Variants in CCSER1 observed in about 807,000 individuals in gnomAD.
The protein encoded by CCSER1 is serine-rich coiled-coil domain-containing protein 1.
A neutral mutation model predicts 82.0 loss-of-function variants in CCSER1; 41 were observed. That is an observed-to-expected ratio of 0.50 (90% CI 0.39 to 0.65). CCSER1 has a LOEUF of 0.65. Ranked by LOEUF, CCSER1 falls within the 30% of genes least tolerant of loss-of-function variation. The probability of loss-of-function intolerance (pLI) is 0.00; values close to 1 mark genes in which losing one functional copy is unlikely to be tolerated. For synonymous variants in CCSER1, 414 were observed against 383.9 expected (o/e 1.08, Z -0.92); for missense variants, 1,119 against 1,064.2 (o/e 1.05, Z -0.72).
intron 1 of CCSER1, among the ~76,000 whole-genome samples, chr4:90,304,158 G>A (rs1217712534): frequency 3.5e-4 from 54 of 152,294 alleles, no homozygotes; most frequent in African/African-American, 9.6e-4. Context: ...ACAGATGCTG[G>A]AGAGGATGTG....
intron 5 of CCSER1, among the ~76,000 whole-genome samples, chr4:90,509,069 T>C (rs552882251): frequency 1.2e-4 from 18 of 152,168 alleles, no homozygotes; most frequent in Admixed American, 2.6e-4. Context: ...AAAGATTCAG[T>C]CTCAGGTGGA....
At chr4:91,151,151 G>T (rs564120735) in intron 10 of CCSER1, among the ~76,000 whole-genome samples, 2 of 152,230 alleles carry the variant, frequency 1.3e-5, no homozygotes, top group South Asian at 2.1e-4. Context: ...TTCAGAGTCT[G>T]TTAGTGATCT....
chr4:91,206,281 A>C (rs1279149729), intron 10 of CCSER1, among the ~76,000 whole-genome samples: 2 of 151,944 alleles, frequency 1.3e-5, no homozygotes, highest in Admixed American at 1.3e-4. Context: ...CATCCACCCA[A>C]GGGATTCAGT....
intron 10 of CCSER1, among the ~76,000 whole-genome samples, chr4:91,491,527 G>C (rs1373141334): frequency 6.6e-6 from 1 of 152,020 alleles, no homozygotes; most frequent in African/African-American, 2.4e-5. Context: ...TTAAATTGCA[G>C]GAATATATGC....
intron 10 of CCSER1, among the ~76,000 whole-genome samples, chr4:91,478,332 T>C (rs968748445): frequency 2.0e-5 from 3 of 151,958 alleles, no homozygotes; most frequent in African/African-American, 7.2e-5. Flanking sequence ...AGAGTCTGTT[T>C]TTATTAATCT....
At chr4:90,261,931 A>G (rs975809594) in intron 1 of CCSER1, among the ~76,000 whole-genome samples, 4 of 151,938 alleles carry the variant, frequency 2.6e-5, no homozygotes, top group Admixed American at 6.6e-5. Flanking sequence ...TGTGTCTTTC[A>G]TTTCTAGAAG....
intron 7 of CCSER1, among the ~76,000 whole-genome samples, chr4:90,750,758 A>G (rs1484955071): frequency 1.3e-5 from 2 of 152,162 alleles, no homozygotes; most frequent in Admixed American, 6.6e-5. Context: ...TATACATTCA[A>G]TTTTATATGA....
intron 10 of CCSER1, among the ~76,000 whole-genome samples, chr4:91,103,347 G>C (rs559360360): frequency 3.9e-5 from 6 of 152,074 alleles, no homozygotes; most frequent in Non-Finnish European, 5.9e-5. Flanking sequence ...GGGCCCCTCA[G>C]TTCCTTCCCA....
chr4:91,351,534 AC>A (rs1431360503), intron 10 of CCSER1, among the ~76,000 whole-genome samples: 1 of 152,082 alleles, frequency 6.6e-6, no homozygotes. Flanking sequence ...AAAAATACTT[AC>A]TTATAAAATA....
At chr4:91,098,768 C>T (rs1435965776) in intron 10 of CCSER1, among the ~76,000 whole-genome samples, 3 of 152,130 alleles carry the variant, frequency 2.0e-5, no homozygotes, top group Non-Finnish European at 4.4e-5. Flanking sequence ...GTCTGGATCT[C>T]CTGATGTCGT....
intron 8 of CCSER1, among the ~76,000 whole-genome samples, chr4:90,888,398 G>A (rs1355193864): frequency 6.6e-6 from 1 of 152,112 alleles, no homozygotes; most frequent in Admixed American, 6.5e-5. Context: ...AAGGGCAAGA[G>A]TAGAAAGAGT....
In CCSER1 at chr4:91,555,305, T is replaced by C. The variant is rs543872413; in HGVS notation, c.2218-43267T>C. ...ATTCATTTCTGTTTATTACTGCAGT[T>C]CAAAAATATTAATATCACTGATCAG... On this transcript the variant is annotated intron_variant, in intron 10 of 10. Transcript: ENST00000509176. Among the ~76,000 whole-genome samples, 32 of 151,224 alleles carry C rather than the reference T, an allele frequency of 2.1e-4. 1 individual carries two copies. In the South Asian group the frequency reaches 4.4e-3, roughly 21 times the overall value.
intron 4 of CCSER1, among the ~76,000 whole-genome samples, chr4:90,429,810 A>G (rs866759150): frequency 1.3e-5 from 2 of 151,974 alleles, no homozygotes; most frequent in Middle Eastern, 3.4e-3. Flanking sequence ...TAGTCTGGTA[A>G]ATGTATAATT....
chr4:91,466,902 T>A (rs1756945763), intron 10 of CCSER1, among the ~76,000 whole-genome samples: 4 of 152,120 alleles, frequency 2.6e-5, no homozygotes. Context: ...AGAGGAGGAA[T>A]CAATATCATG....
intron 1 of CCSER1, among the ~76,000 whole-genome samples, chr4:90,270,349 G>C (rs929682320): frequency 5.9e-5 from 9 of 152,030 alleles, no homozygotes; most frequent in African/African-American, 1.9e-4. Flanking sequence ...GGGATGCAAG[G>C]ATGATTCAAC....
intron 6 of CCSER1, among the ~76,000 whole-genome samples, chr4:90,638,216 A>G (rs971111665): frequency 1.3e-5 from 2 of 152,174 alleles, no homozygotes; most frequent in South Asian, 4.1e-4. Flanking sequence ...ACAGCTCTAC[A>G]TTGATTAAAT....
At position 90,798,323 on chromosome 4, in the gene CCSER1, T is replaced by C. The variant is rs1294566943; in HGVS notation, c.2011-17439T>C. On this transcript the variant is annotated intron_variant, in intron 7 of 10. Coordinates refer to ENST00000509176, the MANE Select transcript of CCSER1 (RefSeq NM_001145065.2). The stretch of plus-strand genomic sequence containing the variant: ...TCCTGTAGTGTGTTTTTCAGGTCTA[T>C]CATGTTGGTTACATTATTTTCTATA... 2.2e-4 allele frequency among the ~76,000 whole-genome samples: 34 copies of C among 152,124 alleles called. 1 individual carries two copies. The highest frequency in any genetic ancestry group is 7.3e-5 in the Non-Finnish European group (5 of 68,042).
chr4:90,800,318 G>T (rs548426063), intron 7 of CCSER1, among the ~76,000 whole-genome samples: 17 of 152,048 alleles, frequency 1.1e-4, no homozygotes, highest in Non-Finnish European at 2.4e-4. Flanking sequence ...GCCCAGGCTG[G>T]TCTCATACTC....
intron 8 of CCSER1, among the ~76,000 whole-genome samples, chr4:90,918,862 A>T (rs1334337325): frequency 1.3e-5 from 2 of 151,888 alleles, no homozygotes; most frequent in Non-Finnish European, 2.9e-5. Flanking sequence ...TGAACTGATA[A>T]TATCATTGCT....
Sources: gnomAD v4.1 joint callset for allele counts (sites outside exome capture counted in the v4.1 genomes callset) on GRCh38, gnomAD v4.1.1 for gene constraint, MANE v1.5 for transcripts, NCBI Gene and HGNC (gene_info 2026-07-23, HGNC 2026-07-21) for gene names.